Variants in PCDHGA12 observed in about 807,000 individuals in gnomAD.
The protein encoded by PCDHGA12 is protocadherin gamma-A12.
PCDHGA12 carries 43 observed loss-of-function variants against 61.1 expected under a neutral mutation model. The ratio of observed to expected loss-of-function variants is 0.70; its 90% CI spans 0.55 to 0.91. The LOEUF is 0.91. Ranked by LOEUF, PCDHGA12 falls within the 40% of genes least tolerant of loss-of-function variation. The probability of loss-of-function intolerance (pLI) is 0.00; values close to 1 mark genes in which losing one functional copy is unlikely to be tolerated. For missense variants in PCDHGA12, 1,236 were observed against 1,227.7 expected, an observed-to-expected ratio of 1.01 and a Z score of -0.10; for synonymous variants, 520 against 542.9, an observed-to-expected ratio of 0.96 and a Z score of 0.59.
At position 141,486,266 on chromosome 5, in the gene PCDHGA12, C is replaced by A; in HGVS notation, c.2425-8541C>A. On this transcript the variant is annotated intron_variant, in intron 1 of 3. Coordinates refer to ENST00000252085, the MANE Select transcript of PCDHGA12 (RefSeq NM_003735.3). The surrounding 1 kb of genome is among the most constrained non-coding windows in gnomAD (Gnocchi z 5.0). ...TGGAACCCTCCCCGAGAGTGCAGAA[C>A]CTGGCACTGTGGTGGCACTTATCAG... The A allele has an allele frequency of 1.9e-6, 3 of 1,614,098 alleles. No homozygotes were observed. Among genetic ancestry groups the A allele is most frequent in the Admixed American group, 3.3e-5 (2 of 60,016 alleles).
At chr5:141,439,523 T>A (rs2098118339) in intron 1 of PCDHGA12, among the ~76,000 whole-genome samples, 1 of 152,202 alleles carries the variant, frequency 6.6e-6, no homozygotes, top group African/African-American at 2.4e-5. Context: ...CAACTAACTC[T>A]ACAGAACGCT....
chr5:141,487,802 C>G lies in PCDHGA12; in HGVS notation c.2425-7005C>G. On this transcript the variant is annotated intron_variant, in intron 1 of 3. Transcript: ENST00000252085. The surrounding 1 kb of genome is among the most constrained non-coding windows in gnomAD (Gnocchi z 5.0). ...TTTCGTGAATTAACCAGAGTTGTCACAGTTTAGCATTGGGGGCGGGTCATG... is the reference window on the plus strand; with the variant it reads ...TTTCGTGAATTAACCAGAGTTGTCAGAGTTTAGCATTGGGGGCGGGTCATG... 6.8e-7 allele frequency: 1 copy of G among 1,477,424 alleles called. No homozygotes were observed. The allele number at this position is 1,477,424 out of a possible 1,614,324, so 91.5% of individuals were successfully genotyped here.
At chr5:141,506,993 C>T (rs781663602) in intron 3 of PCDHGA12, 18 of 152,184 alleles carry the variant, frequency 1.2e-4, no homozygotes, top group Non-Finnish European at 1.8e-4. Context: ...TTCTCACACT[C>T]GACAGATGAG....
intron 2 of PCDHGA12, among the ~76,000 whole-genome samples, chr5:141,504,999 T>C (rs1278633184): frequency 6.6e-6 from 1 of 152,000 alleles, no homozygotes; most frequent in African/African-American, 2.4e-5. Context: ...CCGTCTGTAC[T>C]AAAAATACAA....
At chr5:141,510,674 GGCAT>G (rs1388331907) in intron 3 of PCDHGA12, among the ~76,000 whole-genome samples, 6 of 152,132 alleles carry the variant, frequency 3.9e-5, no homozygotes, top group Non-Finnish European at 8.8e-5. Flanking sequence ...AAACTGAAGT[GGCAT>G]AAGGAGGTTA....
chr5:141,485,441 A>T lies in PCDHGA12; in HGVS notation c.2425-9366A>T. On this transcript the variant is annotated intron_variant, in intron 1 of 3. Coordinates refer to ENST00000252085, the MANE Select transcript of PCDHGA12 (RefSeq NM_003735.3). The surrounding 1 kb of genome is among the most constrained non-coding windows in gnomAD (Gnocchi z 5.7). ...CGGAGCCCTGCTCATCAAGAACCCA[A>T]TCGACCGAGAGGCACTGTGTGGGCT... is the stretch of plus-strand genomic sequence containing the variant. The T allele has an allele frequency of 6.2e-7, 1 of 1,613,910 alleles. No homozygotes were observed. The highest frequency in any genetic ancestry group is 1.1e-5 in the South Asian group (1 of 91,062).
chr5:141,505,513 G>A lies in PCDHGA12; in HGVS notation c.2572+32G>A, dbSNP rs1157816684. ...GGTGTCAGTGTGTGTATGGAAGAGT[G>A]GGAGACCTGGGGTTCTGGGGTGCAT... On this transcript the variant is annotated intron_variant, in intron 3 of 3. Coordinates refer to ENST00000252085, the MANE Select transcript of PCDHGA12 (RefSeq NM_003735.3). The A allele has an allele frequency of 3.1e-6, 5 of 1,613,710 alleles. No homozygotes were observed. In the South Asian group the frequency reaches 3.3e-5, roughly 11 times the overall value.
In PCDHGA12 at chr5:141,430,720, T is replaced by C. The variant is rs369549088; in HGVS notation, c.-40T>C. On this transcript the variant is annotated 5_prime_UTR_variant, in exon 1 of 4. Transcript: ENST00000252085. ...AAGGAACTGCTCCTGACTTCAGTGG[T>C]TAAGGGCAGAATTGAAAATAATTCT... The C allele has an allele frequency of 4.9e-4, 734 of 1,486,386 alleles. 1 individual carries two copies. Among genetic ancestry groups the C allele is most frequent in the Middle Eastern group, 9.1e-4 (5 of 5,506 alleles). The allele number at this position is 1,486,386 out of a possible 1,614,324, so 92.1% of individuals were successfully genotyped here.
At chr5:141,465,241 G>C (rs2099099198) in intron 1 of PCDHGA12, among the ~76,000 whole-genome samples, 1 of 151,964 alleles carries the variant, frequency 6.6e-6, no homozygotes, top group South Asian at 2.1e-4. Flanking sequence ...CAAGTTCAAG[G>C]CACTTTTGTA....
Position 141,493,359 on chromosome 5 carries a change from G to A in PCDHGA12, c.2425-1448G>A, listed in dbSNP as rs956980110. Among the ~76,000 whole-genome samples the A allele has an allele frequency of 2.6e-5, 4 of 152,148 alleles. No homozygotes were observed. The highest frequency in any genetic ancestry group is 9.7e-5 in the African/African-American group (4 of 41,418). ...CCAGAATGTGTGCTTTTAATTTCTT[G>A]GCACTTGGAACTTTAAAAGCTTGAG... On this transcript the variant is annotated intron_variant, in intron 1 of 3. Transcript: ENST00000252085. This position sits in a 1 kb window ranked among gnomAD's most constrained non-coding sequence, Gnocchi z 4.3.
At chr5:141,444,125 C>A (rs1459174213) in intron 1 of PCDHGA12, among the ~76,000 whole-genome samples, 2 of 130,784 alleles carry the variant, frequency 1.5e-5, no homozygotes, top group African/African-American at 5.7e-5. Flanking sequence ...AGTATCTCAA[C>A]AGATATGTGT....
intron 1 of PCDHGA12, among the ~76,000 whole-genome samples, chr5:141,443,789 A>G (rs1316614117): frequency 6.6e-6 from 1 of 152,234 alleles, no homozygotes; most frequent in East Asian, 1.9e-4. Context: ...GACAAAAAAA[A>G]TGAAAAGGAA....
intron 2 of PCDHGA12, among the ~76,000 whole-genome samples, chr5:141,497,721 G>A (rs2099778948): frequency 6.6e-6 from 1 of 152,006 alleles, no homozygotes; most frequent in African/African-American, 2.4e-5. Flanking sequence ...TGTATTTTTA[G>A]TAGAGATGGG....
rs1438257730 is a variant in PCDHGA12, at chr5:141,477,587, C to G, written c.2425-17220C>G. 4.3e-6 allele frequency: 7 copies of G among 1,614,094 alleles called. 1 individual carries two copies. In the South Asian group the frequency reaches 7.7e-5, roughly 18 times the overall value. ...GGACCCCGACGCCCCGCAGAATGCT[C>G]GGCTTTCTTTCTTTCTCTTGGAGCA... On this transcript the variant is annotated intron_variant, in intron 1 of 3. Transcript: ENST00000252085. The surrounding 1 kb of genome is among the most constrained non-coding windows in gnomAD (Gnocchi z 4.9).
At chr5:141,509,953 G>A (rs987910496) in intron 3 of PCDHGA12, among the ~76,000 whole-genome samples, 4 of 152,282 alleles carry the variant, frequency 2.6e-5, no homozygotes, top group Non-Finnish European at 4.4e-5. Context: ...AAATGCTACC[G>A]GGTATGGCCT....
chr5:141,447,650 TC>T (rs1036312126), intron 1 of PCDHGA12, among the ~76,000 whole-genome samples: 1 of 151,988 alleles, frequency 6.6e-6, no homozygotes, highest in Non-Finnish European at 1.5e-5. Context: ...GGTAGAATTT[TC>T]CCCCCCAGGA....
intron 1 of PCDHGA12, among the ~76,000 whole-genome samples, chr5:141,472,030 G>A (rs2099269943): frequency 6.6e-6 from 1 of 152,030 alleles, no homozygotes; most frequent in African/African-American, 2.4e-5. Flanking sequence ...TATGTAGAAA[G>A]CTGTGAAAAG....
chr5:141,458,514 T>G (rs1338106276), intron 1 of PCDHGA12, among the ~76,000 whole-genome samples: 1 of 129,036 alleles, frequency 7.7e-6, no homozygotes, highest in African/African-American at 3.6e-5. Context: ...TGACACTTTG[T>G]TTTTTTTTTT....
In PCDHGA12 at chr5:141,476,258, G is replaced by A. The variant is rs1247889010; in HGVS notation, c.2425-18549G>A. 1 of 1,614,018 alleles carries A rather than the reference G, an allele frequency of 6.2e-7. No individual in the cohort carries two copies. Among genetic ancestry groups the A allele is most frequent in the South Asian group, 1.1e-5 (1 of 91,066 alleles). Reference sequence around the variant, plus strand: ...GGAAAGAGAGAAGGGTTTCGCTGTGGGCAACGTGGTCGCGAACCTTGGTTT... The same window carrying A: ...GGAAAGAGAGAAGGGTTTCGCTGTGAGCAACGTGGTCGCGAACCTTGGTTT... On this transcript the variant is annotated intron_variant, in intron 1 of 3. Coordinates refer to ENST00000252085, the MANE Select transcript of PCDHGA12 (RefSeq NM_003735.3). This position sits in a 1 kb window ranked among gnomAD's most constrained non-coding sequence, Gnocchi z 7.6.
Sources: allele counts gnomAD v4.1 joint callset (sites outside exome capture counted in the v4.1 genomes callset), GRCh38; gene constraint gnomAD v4.1.1; non-coding constraint Gnocchi (gnomAD v3.1); transcripts MANE v1.5; gene names NCBI Gene and HGNC (gene_info 2026-07-23, HGNC 2026-07-21).